The following POLR3B variants were observed in gnomAD, a reference collection of about 807,000 sequenced individuals.
POLR3B encodes the protein DNA-directed RNA polymerase III subunit RPC2.
A neutral mutation model predicts 147.4 loss-of-function variants in POLR3B; 96 were observed. That is an observed-to-expected ratio of 0.65 (90% CI 0.55 to 0.77). The LOEUF (loss-of-function observed/expected upper bound fraction) is 0.77, where lower values mean the gene tolerates loss of function less well. POLR3B is among the 30% of genes least tolerant of loss of function. The probability of loss-of-function intolerance (pLI) is 0.00; values close to 1 mark genes in which losing one functional copy is unlikely to be tolerated. For synonymous variants in POLR3B, 461 were observed against 485.9 expected, an observed-to-expected ratio of 0.95 and a Z score of 0.67; for missense variants, 1,036 against 1,413.5, an observed-to-expected ratio of 0.73 and a Z score of 4.28.
At chr12:106,437,036 G>T (rs1305644999) in intron 16 of POLR3B, 21 bp from the exon 17 acceptor site, 2 of 1,590,270 alleles carry the variant, frequency 1.3e-6, no homozygotes, top group South Asian at 2.2e-5. Flanking sequence ...TTATTAATTT[G>T]GTTTGCTGTT....
In POLR3B at chr12:106,369,301, CT is replaced by C; in HGVS notation, c.255del (p.Asp86MetfsTer8). 1 of 1,599,190 alleles carries C rather than the reference CT, an allele frequency of 6.3e-7. No homozygotes were observed. The highest frequency in any genetic ancestry group is 8.6e-7 in the Non-Finnish European group (1 of 1,166,436). On this transcript the variant is annotated frameshift_variant, in exon 5 of 28. Transcript: ENST00000228347. LOFTEE classifies it high-confidence loss of function. The stretch of plus-strand genomic sequence containing the variant: ...TATCTTAATATCTATGTTGGGCTTC[CT>C]GATGTTGAAGAAAGCTTCAATGTAA... ...LKYLNIYVGL[P>X]DVEESFNVTR...
At chr12:106,411,421 A>G (rs906556831) in intron 12 of POLR3B, among the ~76,000 whole-genome samples, 2 of 152,218 alleles carry the variant, frequency 1.3e-5, no homozygotes, top group African/African-American at 4.8e-5. Context: ...TACAGGCGTG[A>G]GCCACCATGC....
intron 23 of POLR3B, among the ~76,000 whole-genome samples, chr12:106,482,247 T>C (rs1369500895): frequency 6.6e-6 from 1 of 152,334 alleles, no homozygotes; most frequent in East Asian, 1.9e-4. Flanking sequence ...AAGATACCAA[T>C]AGTTTTTTTA....
chr12:106,385,617 A>G (rs10861590), intron 9 of POLR3B, among the ~76,000 whole-genome samples: 58,019 of 152,062 alleles, frequency 0.38, 12,853 homozygotes, highest in African/African-American at 0.61. Context: ...GTGACAGAGT[A>G]TAGGAGTCAG....
intron 4 of POLR3B, among the ~76,000 whole-genome samples, chr12:106,368,616 G>C (rs1422705138): frequency 6.6e-6 from 1 of 152,124 alleles, no homozygotes; most frequent in Non-Finnish European, 1.5e-5. Context: ...AAATTTACTA[G>C]AGTGTAGGAT....
At chr12:106,370,362 T>C (rs1379081659) in intron 6 of POLR3B, among the ~76,000 whole-genome samples, 1 of 152,156 alleles carries the variant, frequency 6.6e-6, no homozygotes, top group Non-Finnish European at 1.5e-5. Flanking sequence ...GTAAAAGATA[T>C]ACAAAATACA....
intron 12 of POLR3B, among the ~76,000 whole-genome samples, chr12:106,420,171 A>G (rs752483585): frequency 4.6e-5 from 7 of 152,110 alleles, no homozygotes; most frequent in East Asian, 1.9e-4. Flanking sequence ...TGTTTATTCT[A>G]TTGGTCAAAT....
At chr12:106,462,570 T>G (rs2037953657) in intron 22 of POLR3B, among the ~76,000 whole-genome samples, 1 of 152,208 alleles carries the variant, frequency 6.6e-6, no homozygotes, top group African/African-American at 2.4e-5. Flanking sequence ...CTGGCCATGT[T>G]ACTCTCTTGG....
chr12:106,508,044 C>T (rs2038717302), intron 27 of POLR3B, among the ~76,000 whole-genome samples: 1 of 152,176 alleles, frequency 6.6e-6, no homozygotes, highest in Admixed American at 6.5e-5. Context: ...CATACACTTA[C>T]AAAACTTGTT....
At chr12:106,479,132 C>T (rs1199922278) in intron 23 of POLR3B, among the ~76,000 whole-genome samples, 2 of 152,070 alleles carry the variant, frequency 1.3e-5, no homozygotes, top group Non-Finnish European at 2.9e-5. Context: ...TAAGTTCCTT[C>T]AGTTCTAGGA....
At chr12:106,398,410 G>A (rs1427687685) in intron 10 of POLR3B, among the ~76,000 whole-genome samples, 1 of 152,174 alleles carries the variant, frequency 6.6e-6, no homozygotes, top group Non-Finnish European at 1.5e-5. Context: ...CTGGGGGCAG[G>A]GCACAGACAA....
chr12:106,393,480 G>A (rs1289157967), intron 10 of POLR3B, among the ~76,000 whole-genome samples: 2 of 142,436 alleles, frequency 1.4e-5, no homozygotes, highest in Non-Finnish European at 3.0e-5. Context: ...GGCAACTCTC[G>A]TGTACAGGTT....
intron 7 of POLR3B, among the ~76,000 whole-genome samples, chr12:106,376,758 C>T (rs1224923255): frequency 6.6e-6 from 1 of 152,148 alleles, no homozygotes; most frequent in Admixed American, 6.5e-5. Flanking sequence ...GATGGGACTA[C>T]AGGCTTGTGC....
chr12:106,445,118 T>G (rs1439511771), intron 19 of POLR3B, among the ~76,000 whole-genome samples: 1 of 152,224 alleles, frequency 6.6e-6, no homozygotes, highest in African/African-American at 2.4e-5. Flanking sequence ...TTCCTTCCTC[T>G]TTCTCTTTGT....
At chr12:106,481,706 G>A (rs2038270391) in intron 23 of POLR3B, among the ~76,000 whole-genome samples, 1 of 152,142 alleles carries the variant, frequency 6.6e-6, no homozygotes, top group African/African-American at 2.4e-5. Flanking sequence ...TTTAAACTCA[G>A]TGAAGTTTAG....
In POLR3B at chr12:106,427,179, C is replaced by CTTTT; in HGVS notation, c.1102-6_1102-3dup. The CTTTT allele has an allele frequency of 4.1e-6, 5 of 1,229,212 alleles. No homozygotes were observed. Among genetic ancestry groups the CTTTT allele is most frequent in the African/African-American group, 1.6e-5 (1 of 61,648 alleles). The allele number at this position is 1,229,212 out of a possible 1,614,324, so 76.1% of individuals were successfully genotyped here. On this transcript the variant is annotated splice_polypyrimidine_tract_variant and intron_variant, in intron 12 of 27. Coordinates refer to ENST00000228347, the MANE Select transcript of POLR3B (RefSeq NM_018082.6). Reference sequence around the variant, plus strand: ...TGCTTTTTGAAAAATCACCATATACCTTTTTTTTTTTTTTTAGCTTTTATC... The same window carrying CTTTT: ...TGCTTTTTGAAAAATCACCATATACCTTTTTTTTTTTTTTTTTTTAGCTTTTATC...
chr12:106,440,194 T>C (rs550294829), intron 18 of POLR3B, among the ~76,000 whole-genome samples: 7 of 152,326 alleles, frequency 4.6e-5, no homozygotes, highest in Admixed American at 4.6e-4. Context: ...CCTTTTTCTC[T>C]ATATTGACAT....
intron 19 of POLR3B, among the ~76,000 whole-genome samples, chr12:106,453,503 AAG>A (rs977837064): frequency 1.3e-5 from 2 of 151,994 alleles, no homozygotes; most frequent in Non-Finnish European, 2.9e-5. Context: ...AAGCGTGTGC[AAG>A]AGAGAGAGAC....
chr12:106,434,689 A>G (rs1287798361), intron 16 of POLR3B, among the ~76,000 whole-genome samples: 6 of 152,078 alleles, frequency 3.9e-5, no homozygotes, highest in Non-Finnish European at 8.8e-5. Context: ...TATTCTGTGT[A>G]TACCTCGGGT....
Sources: gnomAD v4.1 joint callset for allele counts (sites outside exome capture counted in the v4.1 genomes callset) on GRCh38, gnomAD v4.1.1 for gene constraint, MANE v1.5 for transcripts, NCBI Gene and HGNC (gene_info 2026-07-23, HGNC 2026-07-21) for gene names.